TTBK2: variants seen among roughly 807,000 people sequenced by gnomAD.
TTBK2 encodes the protein tau-tubulin kinase 2.
A neutral mutation model predicts 110.8 loss-of-function variants in TTBK2; 28 were observed. The observed-to-expected ratio is 0.25, with a 90% confidence interval of 0.19 to 0.35. The LOEUF (loss-of-function observed/expected upper bound fraction) is 0.35. Ranked by LOEUF, TTBK2 falls within the 10% of genes least tolerant of loss-of-function variation. The pLI, the probability that TTBK2 is intolerant of heterozygous loss-of-function variation, is 1.00. For synonymous variants in TTBK2, 532 were observed against 527.3 expected (o/e 1.01, Z -0.12); for missense variants, 1,369 against 1,500.3 (o/e 0.91, Z 1.45).
chr15:42,912,845 G>C (rs1300056362), intron 1 of TTBK2, among the ~76,000 whole-genome samples: 2 of 152,060 alleles, frequency 1.3e-5, no homozygotes, highest in Non-Finnish European at 2.9e-5. Context: ...AGCAACATAG[G>C]CCGGGCGCGG....
chr15:42,793,563 A>T (rs533452923), intron 10 of TTBK2, among the ~76,000 whole-genome samples: 2 of 152,050 alleles, frequency 1.3e-5, no homozygotes, highest in Admixed American at 1.3e-4. Context: ...TAAAAAAAAA[A>T]ATCAGGCCGG....
chr15:42,824,387 T>C (rs900767146), intron 6 of TTBK2, among the ~76,000 whole-genome samples: 5 of 152,164 alleles, frequency 3.3e-5, no homozygotes, highest in Non-Finnish European at 5.9e-5. Flanking sequence ...AACATCAATT[T>C]CCCAGTTTTG....
At chr15:42,907,800 A>C (rs2030497569) in intron 1 of TTBK2, among the ~76,000 whole-genome samples, 3 of 152,010 alleles carry the variant, frequency 2.0e-5, no homozygotes, top group Admixed American at 2.0e-4. Flanking sequence ...TTGGCTGGGC[A>C]TGGTGGCTCA....
chr15:42,794,468 T>G (rs990980241), intron 10 of TTBK2, among the ~76,000 whole-genome samples, 176 bp downstream of exon 10: 1 of 152,226 alleles, frequency 6.6e-6, no homozygotes, highest in Admixed American at 6.5e-5. Context: ...CTATTAGTAC[T>G]ATCTAAAGCA....
At chr15:42,801,890 A>G (rs1381776577) in intron 9 of TTBK2, 9 of 1,412,286 alleles carry the variant, frequency 6.4e-6, no homozygotes, top group Non-Finnish European at 7.9e-6. Flanking sequence ...TTGTTCCTGA[A>G]GTCCTCCACC....
intron 10 of TTBK2, among the ~76,000 whole-genome samples, chr15:42,786,473 C>T (rs984190690): frequency 6.6e-6 from 1 of 152,130 alleles, no homozygotes; most frequent in Non-Finnish European, 1.5e-5. Flanking sequence ...AGTCTATTAT[C>T]GTCACCTTTT....
At chr15:42,844,476 T>C (rs1268073248) in intron 3 of TTBK2, among the ~76,000 whole-genome samples, 1 of 152,172 alleles carries the variant, frequency 6.6e-6, no homozygotes, top group Non-Finnish European at 1.5e-5. Flanking sequence ...GAAGGCTCAG[T>C]TGAGTCTGGG....
chr15:42,903,762 G>A (rs117337065), intron 1 of TTBK2, among the ~76,000 whole-genome samples: 280 of 152,176 alleles, frequency 1.8e-3, no homozygotes, highest in Non-Finnish European at 3.4e-3. Flanking sequence ...GTGACTTACC[G>A]CTAATGAACA....
intron 6 of TTBK2, among the ~76,000 whole-genome samples, chr15:42,824,760 T>C (rs1180291134): frequency 1.3e-5 from 2 of 152,062 alleles, no homozygotes; most frequent in South Asian, 2.1e-4. Flanking sequence ...AAAATAACTA[T>C]TGGGTACTAG....
chr15:42,779,510 G>A (rs1019449229), intron 11 of TTBK2, among the ~76,000 whole-genome samples: 4 of 151,666 alleles, frequency 2.6e-5, no homozygotes, highest in Non-Finnish European at 5.9e-5. Context: ...TACATTTATA[G>A]ATAAGAAAAT....
chr15:42,898,704 G>C (rs1895767031), intron 1 of TTBK2, among the ~76,000 whole-genome samples: 1 of 152,206 alleles, frequency 6.6e-6, no homozygotes, highest in African/African-American at 2.4e-5. Context: ...GTAGGAATGA[G>C]ATGGGCAGTG....
rs146437594 is a variant in TTBK2 at position 42,858,082 on chromosome 15, A to AAAC, written c.217+14526_217+14528dup. ...AGACCTTGTCTCAAAAAAAAACCCA[A>AAAC]AACAACAACAACAACAACAACAACA... On this transcript the variant is annotated intron_variant, in intron 3 of 14. Coordinates refer to ENST00000267890, the MANE Select transcript of TTBK2 (RefSeq NM_173500.4). Among the ~76,000 whole-genome samples, 141 of 151,722 alleles carry AAAC rather than the reference A, an allele frequency of 9.3e-4. No homozygotes were observed. In the East Asian group the frequency reaches 0.013, roughly 14 times the overall value.
At chr15:42,859,945 C>A (rs150057541) in intron 3 of TTBK2, among the ~76,000 whole-genome samples, 1 of 151,620 alleles carries the variant, frequency 6.6e-6, no homozygotes. Flanking sequence ...TGATGAATGC[C>A]TTTTATAGGC....
chr15:42,815,956 A>AT (rs1256399173), intron 7 of TTBK2, among the ~76,000 whole-genome samples: 8,047 of 63,874 alleles, frequency 0.13, 557 homozygotes, highest in Middle Eastern at 0.19. Flanking sequence ...ATTTAAAAAA[A>AT]AAATATATAT....
chr15:42,773,368 C>T (rs1028351621), intron 13 of TTBK2, among the ~76,000 whole-genome samples: 3 of 150,332 alleles, frequency 2.0e-5, no homozygotes, highest in Non-Finnish European at 3.0e-5. Flanking sequence ...ACCCAGAAGG[C>T]GGAGGTTGCA....
chr15:42,772,776 G>A (rs975304537), intron 13 of TTBK2, among the ~76,000 whole-genome samples: 2 of 152,070 alleles, frequency 1.3e-5, no homozygotes, highest in Non-Finnish European at 2.9e-5. Flanking sequence ...GTGGGACCCC[G>A]TCTTGCAAAA....
At chr15:42,824,915 A>G (rs925226865) in intron 6 of TTBK2, among the ~76,000 whole-genome samples, 18 of 152,080 alleles carry the variant, frequency 1.2e-4, no homozygotes, top group Non-Finnish European at 2.4e-4. Context: ...ACATCAAATC[A>G]GGGGAAAAAG....
At chr15:42,846,179 AT>A (rs565621419) in intron 3 of TTBK2, among the ~76,000 whole-genome samples, 27 of 150,610 alleles carry the variant, frequency 1.8e-4, no homozygotes, top group African/African-American at 5.8e-4. Flanking sequence ...TTTTTTCCTA[AT>A]TTTTTTTCTT....
At chr15:42,900,191 C>T (rs2029906055) in intron 1 of TTBK2, among the ~76,000 whole-genome samples, 1 of 151,638 alleles carries the variant, frequency 6.6e-6, no homozygotes, top group South Asian at 2.1e-4. Flanking sequence ...CGGGGTTTCA[C>T]CATGTTGGTC....
Sources: gnomAD v4.1 joint callset for allele counts (sites outside exome capture counted in the v4.1 genomes callset) on GRCh38, gnomAD v4.1.1 for gene constraint, MANE v1.5 for transcripts, NCBI Gene and HGNC (gene_info 2026-07-23, HGNC 2026-07-21) for gene names.